Variants in PCDHGC5 observed in about 807,000 individuals in gnomAD.
The protein encoded by PCDHGC5 is protocadherin gamma-C5.
Under a neutral mutation model 59.0 loss-of-function variants are expected in PCDHGC5, and 25 were observed. The ratio of observed to expected loss-of-function variants is 0.42; its 90% CI spans 0.31 to 0.59. The LOEUF is 0.59. Ranked by LOEUF, PCDHGC5 falls within the 20% of genes least tolerant of loss-of-function variation. PCDHGC5 has a pLI of 0.13. For synonymous variants in PCDHGC5, 434 were observed against 505.5 expected (o/e 0.86, Z 1.90); for missense variants, 1,067 against 1,206.4 (o/e 0.88, Z 1.71).
Position 141,512,559 on chromosome 5 carries a change from C to T in PCDHGC5, c.*1386C>T, listed in dbSNP as rs1396321304. The T allele has an allele frequency of 6.5e-6, 1 of 152,904 alleles. No individual in the cohort carries two copies. The highest frequency in any genetic ancestry group is 1.5e-5 in the Non-Finnish European group (1 of 68,438). The allele number at this position is 152,904 out of a possible 1,614,324, so 9.5% of individuals were successfully genotyped here. ...CCCCAGTGCCTCCTTGTGCATAGAC[C>T]TTCTTCTCCCACCCCCTTCTGCCCC... On this transcript the variant is annotated 3_prime_UTR_variant, in exon 4 of 4. Coordinates refer to ENST00000252087, the MANE Select transcript of PCDHGC5 (RefSeq NM_018929.3).
In PCDHGC5 at chr5:141,512,845, A is replaced by G. The variant is rs1166488780; in HGVS notation, c.*1672A>G. On this transcript the variant is annotated 3_prime_UTR_variant, in exon 4 of 4. Coordinates refer to ENST00000252087, the MANE Select transcript of PCDHGC5 (RefSeq NM_018929.3). ...CTCCCCCGTACTGACTTCTCCTATA[A>G]GCGCTTCTCTTCGCATAGTCACGTA... The G allele has an allele frequency of 6.6e-6, 1 of 152,156 alleles. No individual in the cohort carries two copies. Among genetic ancestry groups the G allele is most frequent in the African/African-American group, 2.4e-5 (1 of 41,380 alleles). 9.4% of individuals were successfully genotyped at this position (152,156 alleles called of 1,614,324 possible).
rs781229038 is a variant in PCDHGC5, at chr5:141,489,990, A to C, written c.750A>C (p.Gly250=). 1.2e-4 allele frequency: 194 copies of C among 1,614,138 alleles called. No individual in the cohort carries two copies. Among genetic ancestry groups the C allele is most frequent in the Non-Finnish European group, 1.6e-4 (188 of 1,180,038 alleles). ...PTFQSSVLRV[G]IPENAPIGTL... is the part of the protein sequence containing the mutation. Reference sequence around the variant, plus strand: ...TCCAATCCTCAGTTCTACGTGTGGGAATCCCAGAGAATGCACCCATTGGTA... The same window carrying C: ...TCCAATCCTCAGTTCTACGTGTGGGCATCCCAGAGAATGCACCCATTGGTA... The change falls in exon 1 of 4, where the codon GGA becomes GGC. Residue 250 remains glycine, a synonymous_variant. Transcript: ENST00000252087. The surrounding 1 kb of genome is among the most constrained non-coding windows in gnomAD (Gnocchi z 4.5).
At chr5:141,504,384 C>G (rs2099837898) in intron 2 of PCDHGC5, among the ~76,000 whole-genome samples, 1 of 152,026 alleles carries the variant, frequency 6.6e-6, no homozygotes, top group South Asian at 2.1e-4. Flanking sequence ...GAGTCGCTGC[C>G]TCACAGAAGC....
At chr5:141,492,449 T>C (rs1045043841) in intron 1 of PCDHGC5, among the ~76,000 whole-genome samples, 50 of 152,314 alleles carry the variant, frequency 3.3e-4, no homozygotes, top group African/African-American at 1.2e-3. Flanking sequence ...TAGCTGATTG[T>C]GCGCGCCTGA....
intron 2 of PCDHGC5, among the ~76,000 whole-genome samples, chr5:141,500,901 G>A (rs984072329): frequency 7.6e-5 from 11 of 144,582 alleles, no homozygotes; most frequent in African/African-American, 2.6e-4. Flanking sequence ...AGACAGTCTC[G>A]CTCTGTCTCC....
rs746487145 is a variant in PCDHGC5 at position 141,505,415 on chromosome 5, G to A, written c.2542G>A (p.Gly848Ser). 7.4e-6 allele frequency: 12 copies of A among 1,614,074 alleles called. No individual in the cohort carries two copies. The East Asian group carries it at 1.3e-4, about 18-fold the overall frequency. Residue 848 changes from glycine to serine, a missense_variant, in exon 3 of 4, where the codon GGC (glycine) becomes AGC (serine). Gly to Ser is a moderately conservative substitution (Grantham distance 56, BLOSUM62 0). Coordinates refer to ENST00000252087, the MANE Select transcript of PCDHGC5 (RefSeq NM_018929.3). ...CAGCTCCCAAAATGGCGATGACACC[G>A]GCACCTGGCCCAACAACCAGTTTGA... ...TSGSQNGDDT[G>S]TWPNNQFDTE...
intron 1 of PCDHGC5, chr5:141,492,003 T>G: frequency 1.6e-6 from 1 of 626,972 alleles, no homozygotes; most frequent in Non-Finnish European, 2.6e-6. Context: ...TCGGGCGATT[T>G]CCGCGGGTGT....
chr5:141,509,872 G>T (rs968745661), intron 3 of PCDHGC5, among the ~76,000 whole-genome samples: 16 of 152,166 alleles, frequency 1.1e-4, no homozygotes, highest in Non-Finnish European at 1.5e-5. Context: ...CCAAGCTGCT[G>T]GTGGTGATGG....
chr5:141,489,800 A>G lies in PCDHGC5; in HGVS notation c.560A>G (p.Asp187Gly). 6.2e-7 allele frequency: 1 copy of G among 1,614,166 alleles called. No homozygotes were observed. Among genetic ancestry groups the G allele is most frequent in the Non-Finnish European group, 8.5e-7 (1 of 1,179,994 alleles). The change falls in exon 1 of 4, where the codon GAT becomes GGT. Residue 187 changes from aspartate (D) to glycine (G), a missense_variant. Asp to Gly is a moderately conservative substitution (Grantham distance 94). Coordinates refer to ENST00000252087, the MANE Select transcript of PCDHGC5 (RefSeq NM_018929.3). This position sits in a 1 kb window ranked among gnomAD's most constrained non-coding sequence, Gnocchi z 4.5. ...HFSLNVKTLK[D>G]GKPFPELVLE... ...TCTCTGAATGTGAAGACCCTAAAAG[A>G]TGGGAAGCCATTCCCAGAGCTGGTG...
Position 141,505,424 on chromosome 5 carries a change from C to T in PCDHGC5, c.2551C>T (p.Pro851Ser), listed in dbSNP as rs1422538114. The T allele has an allele frequency of 1.2e-6, 2 of 1,614,200 alleles. No individual in the cohort carries two copies. Among genetic ancestry groups the T allele is most frequent in the Non-Finnish European group, 1.7e-6 (2 of 1,180,028 alleles). Residue 851 changes from proline (P) to serine (S), a missense_variant, in exon 3 of 4, where the codon CCC (proline) becomes TCC (serine). Pro to Ser is a moderately conservative substitution (Grantham distance 74). Transcript: ENST00000252087. ...AAATGGCGATGACACCGGCACCTGG[C>T]CCAACAACCAGTTTGACACAGAGAT... is the stretch of plus-strand genomic sequence containing the variant. ...SQNGDDTGTW[P>S]NNQFDTEMLQ...
intron 3 of PCDHGC5, chr5:141,508,179 AG>A (rs1250335236): frequency 1.3e-5 from 2 of 152,326 alleles, no homozygotes; most frequent in Non-Finnish European, 2.9e-5. Flanking sequence ...ACAGGAGAGA[AG>A]GCATCACCCC....
intron 2 of PCDHGC5, among the ~76,000 whole-genome samples, chr5:141,500,180 TTA>T (rs2099797073): frequency 7.1e-6 from 1 of 140,608 alleles, no homozygotes; most frequent in African/African-American, 2.8e-5. Flanking sequence ...AGCTTCATTT[TTA>T]TTTTTATTTA....
chr5:141,490,908 C>T lies in PCDHGC5; in HGVS notation c.1668C>T (p.Asp556=), dbSNP rs201078924. The change falls in exon 1 of 4, where the codon GAC becomes GAT. Residue 556 remains aspartate, a synonymous_variant. Coordinates refer to ENST00000252087, the MANE Select transcript of PCDHGC5 (RefSeq NM_018929.3). This position sits in a 1 kb window ranked among gnomAD's most constrained non-coding sequence, Gnocchi z 5.4. The stretch of plus-strand genomic sequence containing the variant: ...CATCTCTGCATGTGTTTGTCCTAGA[C>T]GAGAATGATAATGCCCCAGCTGTGC... The part of the protein sequence containing the change: ...ANTSLHVFVL[D]ENDNAPAVLH... 42 of 1,613,710 alleles carry T rather than the reference C, an allele frequency of 2.6e-5. No homozygotes were observed. The highest frequency in any genetic ancestry group is 8.3e-5 in the Admixed American group (5 of 60,018).
At chr5:141,499,343 G>C (rs1184175548) in intron 2 of PCDHGC5, among the ~76,000 whole-genome samples, 1 of 152,146 alleles carries the variant, frequency 6.6e-6, no homozygotes, top group Non-Finnish European at 1.5e-5. Context: ...AGTTTGGGCA[G>C]TCATTCAACA....
At chr5:141,506,735 G>A (rs1467217136) in intron 3 of PCDHGC5, among the ~76,000 whole-genome samples, 1 of 152,098 alleles carries the variant, frequency 6.6e-6, no homozygotes, top group Non-Finnish European at 1.5e-5. Context: ...TTAGAATAAT[G>A]CCTATTAATA....
intron 2 of PCDHGC5, among the ~76,000 whole-genome samples, chr5:141,500,942 C>T (rs937418207): frequency 2.0e-5 from 3 of 151,926 alleles, no homozygotes; most frequent in Non-Finnish European, 4.4e-5. Context: ...CATCTCGGCT[C>T]ACTGCAAGCT....
chr5:141,497,217 G>A (rs1046945884), intron 2 of PCDHGC5, among the ~76,000 whole-genome samples: 1 of 152,066 alleles, frequency 6.6e-6, no homozygotes, highest in African/African-American at 2.4e-5. Flanking sequence ...AATGGGGGGG[G>A]GAAGATCAGA....
chr5:141,508,904 T>C (rs1421450229), intron 3 of PCDHGC5, among the ~76,000 whole-genome samples: 2 of 151,336 alleles, frequency 1.3e-5, no homozygotes, highest in African/African-American at 4.9e-5. Context: ...GGCGGGGCGG[T>C]GGCGGATCTG....
At chr5:141,494,514 G>T (rs1457018569) in intron 1 of PCDHGC5, among the ~76,000 whole-genome samples, 2 of 152,160 alleles carry the variant, frequency 1.3e-5, no homozygotes, top group South Asian at 2.1e-4. Context: ...TTTTGGCTCA[G>T]GAGTTCTGAC....
Sources: gnomAD v4.1 joint callset for allele counts (sites outside exome capture counted in the v4.1 genomes callset) on GRCh38, gnomAD v4.1.1 for gene constraint, Gnocchi (gnomAD v3.1) non-coding constraint, MANE v1.5 for transcripts, NCBI Gene and HGNC (gene_info 2026-07-23, HGNC 2026-07-21) for gene names.